ADK: variants seen among roughly 807,000 people sequenced by gnomAD.
The protein encoded by ADK is N6,N6-dimethyladenosine kinase.
ADK carries 24 observed loss-of-function variants against 44.7 expected under a neutral mutation model. The observed-to-expected ratio is 0.54, with a 90% CI of 0.39 to 0.76. ADK has a LOEUF of 0.76. ADK is among the 30% of genes least tolerant of loss of function. The pLI, the probability that ADK is intolerant of heterozygous loss-of-function variation, is 0.00. For synonymous variants in ADK, 128 were observed against 142.6 expected, an observed-to-expected ratio of 0.90 and a Z score of 0.73; for missense variants, 321 against 425.1, an observed-to-expected ratio of 0.76 and a Z score of 2.15.
intron 6 of ADK, among the ~76,000 whole-genome samples, chr10:74,487,475 G>A (rs1418695162): frequency 6.7e-6 from 1 of 150,316 alleles, no homozygotes; most frequent in Admixed American, 6.6e-5. Flanking sequence ...TTTTTTCTGG[G>A]CACTTTAAAA....
At chr10:74,393,596 C>T (rs1167509940) in intron 4 of ADK, among the ~76,000 whole-genome samples, 1 of 152,118 alleles carries the variant, frequency 6.6e-6, no homozygotes. Flanking sequence ...GTGCTGGGTA[C>T]CATGCTCAGC....
At chr10:74,222,004 AG>A (rs1844330356) in intron 2 of ADK, among the ~76,000 whole-genome samples, 1 of 152,256 alleles carries the variant, frequency 6.6e-6, no homozygotes, top group African/African-American at 2.4e-5. Context: ...TGGCAACAAA[AG>A]CCAAAATTGA....
chr10:74,695,716 T>A (rs1269701830), intron 10 of ADK, among the ~76,000 whole-genome samples: 1 of 151,728 alleles, frequency 6.6e-6, no homozygotes, highest in African/African-American at 2.4e-5. Flanking sequence ...CACAGCTCAC[T>A]ACAGCCTCAT....
chr10:74,610,788 G>A lies in ADK; in HGVS notation c.877+10295G>A, dbSNP rs913860686. Among the ~76,000 whole-genome samples the A allele has an allele frequency of 3.9e-5, 6 of 151,918 alleles. No homozygotes were observed. In the South Asian group the frequency reaches 1.3e-3, roughly 32 times the overall value. On this transcript the variant is annotated intron_variant, in intron 9 of 10. Transcript: ENST00000539909. ...AACAGTGTTCTTTACCTGTTGGAGA[G>A]CAACTACTAATGAGATCTTCATACA...
intron 9 of ADK, among the ~76,000 whole-genome samples, chr10:74,643,378 C>T (rs1293754351): frequency 6.6e-6 from 1 of 152,184 alleles, no homozygotes; most frequent in East Asian, 1.9e-4. Context: ...TGCATCTTAT[C>T]TGTCTTCACT....
chr10:74,695,958 A>T (rs1446578418), intron 10 of ADK, among the ~76,000 whole-genome samples: 6 of 150,982 alleles, frequency 4.0e-5, no homozygotes, highest in East Asian at 3.9e-4. Context: ...CAATTCTTAA[A>T]TTTTTTTTAG....
At chr10:74,235,580 G>A (rs1366758465) in intron 3 of ADK, among the ~76,000 whole-genome samples, 2 of 152,056 alleles carry the variant, frequency 1.3e-5, no homozygotes, top group African/African-American at 2.4e-5. Flanking sequence ...TTAGGATTAC[G>A]GGCGTGAGCC....
At chr10:74,545,865 A>G (rs1004910282) in intron 7 of ADK, among the ~76,000 whole-genome samples, 2 of 152,226 alleles carry the variant, frequency 1.3e-5, no homozygotes, top group African/African-American at 4.8e-5. Context: ...TCAAATTAAG[A>G]TAGAATTCTT....
At chr10:74,365,937 T>C (rs568229353) in intron 4 of ADK, among the ~76,000 whole-genome samples, 1 of 152,352 alleles carries the variant, frequency 6.6e-6, no homozygotes, top group African/African-American at 2.4e-5. Flanking sequence ...TATATCTCAT[T>C]GTATTTATGA....
At chr10:74,246,252 G>A (rs900696897) in intron 3 of ADK, among the ~76,000 whole-genome samples, 1 of 152,146 alleles carries the variant, frequency 6.6e-6, no homozygotes, top group Non-Finnish European at 1.5e-5. Context: ...TTTTCTAGAG[G>A]TTGCATACCA....
intron 7 of ADK, among the ~76,000 whole-genome samples, chr10:74,580,448 G>A (rs752113973): frequency 1.3e-5 from 2 of 151,930 alleles, no homozygotes; most frequent in Non-Finnish European, 2.9e-5. Flanking sequence ...GGTGGCACAC[G>A]CCTGTAATCC....
chr10:74,238,149 G>A (rs529502018), intron 3 of ADK, among the ~76,000 whole-genome samples: 1 of 152,230 alleles, frequency 6.6e-6, no homozygotes, highest in Non-Finnish European at 1.5e-5. Context: ...ATGAGCCACC[G>A]CGCCTGTCTG....
chr10:74,387,039 C>G (rs903780585), intron 4 of ADK, among the ~76,000 whole-genome samples: 1 of 151,718 alleles, frequency 6.6e-6, no homozygotes, highest in Non-Finnish European at 1.5e-5. Context: ...TGAGTTCAAG[C>G]GATTCTCCTG....
At chr10:74,310,649 C>T (rs1840402422) in intron 3 of ADK, among the ~76,000 whole-genome samples, 1 of 152,144 alleles carries the variant, frequency 6.6e-6, no homozygotes, top group African/African-American at 2.4e-5. Flanking sequence ...TTTAAAAAGT[C>T]TGCTTTTCAC....
At chr10:74,531,657 C>T (rs945253608) in intron 7 of ADK, among the ~76,000 whole-genome samples, 1 of 152,098 alleles carries the variant, frequency 6.6e-6, no homozygotes, top group Non-Finnish European at 1.5e-5. Flanking sequence ...CCTCAACCTC[C>T]CGAGAAGCTA....
At position 74,160,719 on chromosome 10, in the gene ADK, ATGTGTG is replaced by A. The variant is rs140865930; in HGVS notation, c.65+9382_65+9387del. ...TGTGTGTGTGTGTGTGTGTGTGTGT[ATGTGTG>A]TGTGTAGGTAGTACTAGGTATATGG... On this transcript the variant is annotated intron_variant, in intron 1 of 10. Transcript: ENST00000539909. 2.1e-4 allele frequency among the ~76,000 whole-genome samples: 29 copies of A among 137,002 alleles called. No individual in the cohort carries two copies. The South Asian group carries it at 4.6e-3, about 22-fold the overall frequency. The allele number at this position is 137,002 out of a possible 152,430, so 89.9% of individuals were successfully genotyped here. A position where few individuals can be genotyped will look rare whatever the true frequency, so the allele number is the denominator to read the frequency against.
Position 74,177,945 on chromosome 10 carries a change from A to ATATATATTTT in ADK, c.66-22818_66-22817insATATATTTTT, listed in dbSNP as rs10693309. ...TAATTATATATATATATATATATAT[A>ATATATATTTT]TTTTTTTTTTTTTGAGACAGAGTTT... On this transcript the variant is annotated intron_variant, in intron 1 of 10. Transcript: ENST00000539909. Among the ~76,000 whole-genome samples, 1,029 of 108,920 alleles carry ATATATATTTT rather than the reference A, an allele frequency of 9.4e-3. 8 individuals carry two copies. The highest frequency in any genetic ancestry group is 0.011 in the Non-Finnish European group (579 of 54,164). 71.5% of individuals were successfully genotyped at this position (108,920 alleles called of 152,430 possible).
intron 9 of ADK, among the ~76,000 whole-genome samples, chr10:74,633,905 T>C (rs1853526991): frequency 1.3e-5 from 2 of 152,172 alleles, no homozygotes; most frequent in South Asian, 2.1e-4. Flanking sequence ...AGGAAGAGTT[T>C]AGGTAAAAAG....
intron 10 of ADK, among the ~76,000 whole-genome samples, chr10:74,706,301 A>T (rs1157313655): frequency 6.6e-6 from 1 of 152,214 alleles, no homozygotes; most frequent in Non-Finnish European, 1.5e-5. Flanking sequence ...AATTTTTAAA[A>T]AAGAAAAGTT....
Sources: gnomAD v4.1 joint callset for allele counts (sites outside exome capture counted in the v4.1 genomes callset) on GRCh38, gnomAD v4.1.1 for gene constraint, MANE v1.5 for transcripts, NCBI Gene and HGNC (gene_info 2026-07-23, HGNC 2026-07-21) for gene names.